STK10: variants seen among roughly 807,000 people sequenced by gnomAD.
STK10 encodes the protein serine/threonine-protein kinase 10.
A neutral mutation model predicts 113.8 loss-of-function variants in STK10; 78 were observed. The observed-to-expected ratio is 0.69, with a 90% CI of 0.57 to 0.83. The LOEUF is 0.83. Ranked by LOEUF, STK10 falls within the 40% of genes least tolerant of loss-of-function variation. STK10 has a pLI of 0.00. For missense variants in STK10, 1,109 were observed against 1,280.1 expected (o/e 0.87, Z 2.04); for synonymous variants, 465 against 494.7 (o/e 0.94, Z 0.80).
At chr5:172,073,340 T>C (rs746243757) in intron 12 of STK10, among the ~76,000 whole-genome samples, 6 of 152,092 alleles carry the variant, frequency 3.9e-5, no homozygotes, top group Non-Finnish European at 8.8e-5. Flanking sequence ...TTAGTAGAGA[T>C]GAGGTTTCAC....
intron 12 of STK10, among the ~76,000 whole-genome samples, chr5:172,074,083 T>G (rs1020436021): frequency 2.6e-5 from 4 of 152,094 alleles, no homozygotes; most frequent in East Asian, 1.9e-4. Flanking sequence ...AATGGAGAGA[T>G]ATGTTATGCT....
chr5:172,170,332 C>T (rs6893124), intron 1 of STK10, among the ~76,000 whole-genome samples: 34,421 of 151,942 alleles, frequency 0.23, 4,895 homozygotes, highest in African/African-American at 0.4. Flanking sequence ...ACCTCTTTAC[C>T]TTGCAGGAGC....
intron 18 of STK10, among the ~76,000 whole-genome samples, chr5:172,047,925 C>T (rs1190125349): frequency 9.7e-6 from 1 of 103,590 alleles, no homozygotes; most frequent in Non-Finnish European, 1.7e-5. Flanking sequence ...TTTTTTGAGA[C>T]GGAGTCTTGC....
intron 4 of STK10, chr5:172,114,474 T>TATATATATATATATATATGTA: frequency 3.9e-5 from 1 of 25,780 alleles, no homozygotes; most frequent in Non-Finnish European, 6.1e-5. Flanking sequence ...TATATATATA[T>TATATATATATATATATATGTA]TTTTTTTTTT....
At chr5:172,083,113 A>C (rs1768472162) in intron 10 of STK10, 29 bp from the exon 11 acceptor site, 3 of 1,612,040 alleles carry the variant, frequency 1.9e-6, no homozygotes, top group Non-Finnish European at 2.5e-6. Context: ...CAGATATTTC[A>C]CAGTAAGAAA....
At chr5:172,057,015 A>AG (rs1561790320) in intron 15 of STK10, 1 of 148,694 alleles carries the variant, frequency 6.7e-6, no homozygotes, top group African/African-American at 2.8e-5. Flanking sequence ...GAAAGAAAGA[A>AG]AGAAAGAAAG....
rs1767682037 is a variant in STK10 at position 172,053,676 on chromosome 5, G to C, written c.2653-634C>G. 2.0e-5 allele frequency among the ~76,000 whole-genome samples: 3 copies of C among 152,264 alleles called. No homozygotes were observed. In the South Asian group the frequency reaches 6.2e-4, roughly 31 times the overall value. On this transcript the variant is annotated intron_variant, in intron 17 of 18. Coordinates refer to ENST00000176763, the MANE Select transcript of STK10 (RefSeq NM_005990.4). ...CTTGTCATGAGGAGCTTATAAAGCA[G>C]GGGGAAGTGCCTTTATCCAGATACC...
intron 18 of STK10, among the ~76,000 whole-genome samples, chr5:172,046,539 A>G (rs1485585976): frequency 6.6e-6 from 1 of 152,162 alleles, no homozygotes; most frequent in East Asian, 1.9e-4. Flanking sequence ...AAGGTTTCAC[A>G]ACTAGTAATG....
chr5:172,090,185 C>T (rs1225975195), intron 10 of STK10, 47 bp downstream of exon 10: 2 of 1,607,682 alleles, frequency 1.2e-6, no homozygotes. Flanking sequence ...CTCCTCTTAC[C>T]ATAGCCCCAC....
At chr5:172,123,968 C>T (rs936329640) in intron 3 of STK10, among the ~76,000 whole-genome samples, 3 of 152,184 alleles carry the variant, frequency 2.0e-5, no homozygotes, top group Non-Finnish European at 2.9e-5. Context: ...CACTCTGTCA[C>T]CTGGGCTGAG....
chr5:172,104,236 C>G (rs1346061111), intron 7 of STK10, among the ~76,000 whole-genome samples: 1 of 152,212 alleles, frequency 6.6e-6, no homozygotes, highest in Non-Finnish European at 1.5e-5. Context: ...GTTGCATCAC[C>G]CAGGCCCATT....
chr5:172,122,769 G>A (rs573756542), intron 3 of STK10, among the ~76,000 whole-genome samples: 3 of 152,128 alleles, frequency 2.0e-5, no homozygotes, highest in African/African-American at 4.8e-5. Flanking sequence ...GACTACAGGC[G>A]CCCGCCACCA....
chr5:172,134,254 T>A (rs1769809630), intron 2 of STK10, among the ~76,000 whole-genome samples: 1 of 152,196 alleles, frequency 6.6e-6, no homozygotes, highest in Non-Finnish European at 1.5e-5. Context: ...CCAGTGTTCC[T>A]TTTTATCTTG....
At chr5:172,048,321 T>A (rs1338444306) in intron 18 of STK10, among the ~76,000 whole-genome samples, 1 of 151,928 alleles carries the variant, frequency 6.6e-6, no homozygotes. Flanking sequence ...TCCAGCCTGC[T>A]GACCTGTCCT....
chr5:172,161,189 C>T lies in STK10; in HGVS notation c.157-4401G>A, dbSNP rs923546795. On this transcript the variant is annotated intron_variant, in intron 1 of 18. Transcript: ENST00000176763. ...GGGGTGGGCCGGGTGTGGTGGCGCACGCCTGTAATCCTAGCACTTTGGGAA... is the reference window on the plus strand; with the variant it reads ...GGGGTGGGCCGGGTGTGGTGGCGCATGCCTGTAATCCTAGCACTTTGGGAA... Among the ~76,000 whole-genome samples the T allele has an allele frequency of 4.6e-5, 7 of 152,188 alleles. No individual in the cohort carries two copies. The East Asian group carries it at 5.8e-4, about 13-fold the overall frequency.
chr5:172,151,094 G>A (rs916164326), intron 2 of STK10, among the ~76,000 whole-genome samples: 1 of 152,236 alleles, frequency 6.6e-6, no homozygotes, highest in African/African-American at 2.4e-5. Flanking sequence ...GCACGATGAA[G>A]GTGACAGCTG....
intron 12 of STK10, among the ~76,000 whole-genome samples, chr5:172,075,002 C>T (rs372102065): frequency 6.7e-6 from 1 of 150,016 alleles, no homozygotes; most frequent in Non-Finnish European, 1.5e-5. Flanking sequence ...CCTGGGGGAC[C>T]GAGTGAGACT....
chr5:172,067,818 C>T (rs572327079), intron 12 of STK10, among the ~76,000 whole-genome samples: 1 of 152,092 alleles, frequency 6.6e-6, no homozygotes, highest in African/African-American at 2.4e-5. Context: ...GTTTCAGGAA[C>T]TTATGGGAAA....
rs116894747 is a variant in STK10 at position 172,110,997 on chromosome 5, A to G, written c.521-3145T>C. On this transcript the variant is annotated intron_variant, in intron 4 of 18. Coordinates refer to ENST00000176763, the MANE Select transcript of STK10 (RefSeq NM_005990.4). ...TAGTGCTAACTGGACAGCAGTTGCT[A>G]TATCAGGGGACAGTCTGGCCAGCAA... is the stretch of plus-strand genomic sequence containing the variant. Among the ~76,000 whole-genome samples the G allele has an allele frequency of 5.6e-3, 850 of 152,226 alleles. 24 individuals are homozygous for G. Among genetic ancestry groups the G allele is most frequent in the Admixed American group, 0.043 (658 of 15,294 alleles).
Sources: allele counts gnomAD v4.1 joint callset (sites outside exome capture counted in the v4.1 genomes callset), GRCh38; gene constraint gnomAD v4.1.1; transcripts MANE v1.5; gene names NCBI Gene and HGNC (gene_info 2026-07-23, HGNC 2026-07-21).